Variants in DLG2 observed in about 807,000 individuals in gnomAD.
DLG2 encodes the protein discs large MAGUK scaffold protein 2.
In DLG2, 45 loss-of-function variants were observed where a neutral mutation model predicts 132.5. The observed-to-expected ratio is 0.34, with a 90% CI of 0.27 to 0.44. The LOEUF is 0.44. Ranked by LOEUF, DLG2 falls within the 20% of genes least tolerant of loss-of-function variation. The pLI is 1.00. For missense variants in DLG2, 1,045 were observed against 1,196.9 expected, an observed-to-expected ratio of 0.87 and a Z score of 1.87; for synonymous variants, 424 against 419.6, an observed-to-expected ratio of 1.01 and a Z score of -0.13.
chr11:84,147,423 G>C (rs1258105377), intron 9 of DLG2, among the ~76,000 whole-genome samples: 1 of 152,122 alleles, frequency 6.6e-6, no homozygotes. Flanking sequence ...TAGCTGTTTA[G>C]CATTTTATAT....
intron 6 of DLG2, among the ~76,000 whole-genome samples, chr11:84,744,648 C>A (rs759255309): frequency 5.9e-5 from 9 of 152,022 alleles, no homozygotes; most frequent in Admixed American, 5.2e-4. Flanking sequence ...AGTCAAATTC[C>A]CACCTGAGGT....
chr11:85,138,854 G>A (rs562104978), intron 5 of DLG2, among the ~76,000 whole-genome samples: 16 of 150,752 alleles, frequency 1.1e-4, no homozygotes, highest in African/African-American at 2.9e-4. Context: ...TTCCAGTCTC[G>A]GGTATGTCTT....
chr11:83,837,976 C>T (rs2154010202), intron 16 of DLG2, among the ~76,000 whole-genome samples: 1 of 152,212 alleles, frequency 6.6e-6, no homozygotes, highest in South Asian at 2.1e-4. Flanking sequence ...CGAAATCTCC[C>T]CCTTTCCCCA....
intron 19 of DLG2, among the ~76,000 whole-genome samples, chr11:83,622,644 C>A (rs1031269676): frequency 3.2e-4 from 48 of 152,172 alleles, no homozygotes; most frequent in African/African-American, 1.1e-3. Flanking sequence ...TTTATTTCTG[C>A]CTTAATTTTG....
intron 8 of DLG2, among the ~76,000 whole-genome samples, chr11:84,239,433 C>T (rs1389518488): frequency 3.3e-5 from 5 of 152,260 alleles, no homozygotes; most frequent in East Asian, 3.9e-4. Flanking sequence ...CCTCCCACCT[C>T]GGCCTCCCAA....
At chr11:85,112,614 C>T (rs2072953176) in intron 5 of DLG2, among the ~76,000 whole-genome samples, 1 of 152,102 alleles carries the variant, frequency 6.6e-6, no homozygotes, top group East Asian at 1.9e-4. Context: ...ACTAAATATG[C>T]AAGGCACTAT....
At chr11:84,595,214 C>T (rs1593232075) in intron 6 of DLG2, among the ~76,000 whole-genome samples, 1 of 152,152 alleles carries the variant, frequency 6.6e-6, no homozygotes, top group South Asian at 2.1e-4. Context: ...AAGCGATCCT[C>T]CTACCTTTGC....
chr11:83,823,677 G>GTTCA (rs1056149033), intron 17 of DLG2, among the ~76,000 whole-genome samples: 1 of 139,472 alleles, frequency 7.2e-6, no homozygotes, highest in African/African-American at 3.4e-5. Context: ...TCATTCATTC[G>GTTCA]TTCATTAAAC....
chr11:83,802,817 C>A (rs1181904338), intron 17 of DLG2, among the ~76,000 whole-genome samples: 2 of 151,862 alleles, frequency 1.3e-5, no homozygotes, highest in African/African-American at 4.8e-5. Context: ...GATGAATGAT[C>A]TTATAGAGAA....
At chr11:85,426,569 G>T (rs961940744) in intron 3 of DLG2, among the ~76,000 whole-genome samples, 17 of 150,464 alleles carry the variant, frequency 1.1e-4, no homozygotes, top group African/African-American at 4.2e-4. Flanking sequence ...TGAGGGTCCT[G>T]ATTGTTAGAA....
chr11:83,539,149 C>T (rs974872934), intron 20 of DLG2, among the ~76,000 whole-genome samples: 5 of 152,054 alleles, frequency 3.3e-5, no homozygotes, highest in African/African-American at 7.2e-5. Flanking sequence ...CAGTGTCTAG[C>T]GTGCAACAGG....
chr11:84,736,541 G>A (rs909302804), intron 6 of DLG2, among the ~76,000 whole-genome samples: 2 of 151,396 alleles, frequency 1.3e-5, no homozygotes, highest in African/African-American at 4.9e-5. Flanking sequence ...CTACTTTTAA[G>A]GTCTTTAATT....
chr11:85,123,379 G>C (rs1566896180), intron 5 of DLG2, among the ~76,000 whole-genome samples: 1 of 152,084 alleles, frequency 6.6e-6, no homozygotes, highest in Non-Finnish European at 1.5e-5. Flanking sequence ...TTCTATTGTA[G>C]AAATCCAGGT....
intron 6 of DLG2, among the ~76,000 whole-genome samples, chr11:84,880,767 T>C (rs925618415): frequency 2.0e-5 from 3 of 152,160 alleles, no homozygotes; most frequent in Non-Finnish European, 4.4e-5. Flanking sequence ...GCTTATTGCA[T>C]TGGTATTGGT....
rs1002195942 is a variant in DLG2, at chr11:85,486,207, A to T, written c.40+112450T>A. Among the ~76,000 whole-genome samples, 11 of 152,136 alleles carry T rather than the reference A, an allele frequency of 7.2e-5. No individual in the cohort carries two copies. The South Asian group carries it at 2.1e-3, about 29-fold the overall frequency. ...AGTCCAAAAAGGGAAAGAGGAGACC[A>T]GGCACTCCCATGACCCCTAGAAAAG... On this transcript the variant is annotated intron_variant, in intron 3 of 27. Coordinates refer to ENST00000376104, the MANE Select transcript of DLG2 (RefSeq NM_001142699.3).
chr11:83,842,829 AAAAAG>A (rs2057901394), intron 16 of DLG2, among the ~76,000 whole-genome samples: 2 of 148,596 alleles, frequency 1.3e-5, no homozygotes, highest in Admixed American at 1.3e-4. Flanking sequence ...AAAAAAAAAA[AAAAAG>A]AAGGAAAATT....
chr11:83,940,006 C>G (rs1270878295), intron 14 of DLG2, among the ~76,000 whole-genome samples: 1 of 152,158 alleles, frequency 6.6e-6, no homozygotes, highest in Non-Finnish European at 1.5e-5. Flanking sequence ...GTACATTTCC[C>G]TCTGTTTCAT....
At chr11:85,476,802 C>G (rs1370784654) in intron 3 of DLG2, among the ~76,000 whole-genome samples, 2 of 151,962 alleles carry the variant, frequency 1.3e-5, no homozygotes, top group African/African-American at 4.8e-5. Context: ...ATGCCTTCTT[C>G]TAGAATACCT....
At chr11:83,928,736 T>A (rs900007067) in intron 15 of DLG2, among the ~76,000 whole-genome samples, 4 of 152,112 alleles carry the variant, frequency 2.6e-5, no homozygotes, top group Non-Finnish European at 4.4e-5. Flanking sequence ...TTCTCATTTG[T>A]AAAACAAAGA....
Sources: gnomAD v4.1 joint callset for allele counts (sites outside exome capture counted in the v4.1 genomes callset) on GRCh38, gnomAD v4.1.1 for gene constraint, MANE v1.5 for transcripts, NCBI Gene and HGNC (gene_info 2026-07-23, HGNC 2026-07-21) for gene names.